The following TRABD2B variants were observed in gnomAD, a reference collection of about 807,000 sequenced individuals.
TRABD2B encodes the protein metalloprotease TIKI2.
TRABD2B carries 14 observed loss-of-function variants against 40.1 expected under a neutral mutation model. The ratio of observed to expected loss-of-function variants is 0.35; its 90% CI spans 0.23 to 0.55. TRABD2B has a LOEUF of 0.55. Ranked by LOEUF, TRABD2B falls within the 20% of genes least tolerant of loss-of-function variation. The pLI is 0.90. For missense variants in TRABD2B, 541 were observed against 648.6 expected (o/e 0.83, Z 1.80); for synonymous variants, 263 against 277.0 (o/e 0.95, Z 0.50).
At chr1:47,961,603 T>C (rs952521378) in intron 2 of TRABD2B, among the ~76,000 whole-genome samples, 1 of 152,106 alleles carries the variant, frequency 6.6e-6, no homozygotes, top group Non-Finnish European at 1.5e-5. Context: ...CCAACAGACA[T>C]GTGAAAAAAT....
intron 2 of TRABD2B, among the ~76,000 whole-genome samples, chr1:47,923,990 C>G (rs1315064362): frequency 6.6e-6 from 1 of 151,054 alleles, no homozygotes; most frequent in Non-Finnish European, 1.5e-5. Context: ...TTCTGTTTCT[C>G]TGGAGAACCC....
intron 2 of TRABD2B, among the ~76,000 whole-genome samples, chr1:47,846,896 A>ACAC (rs1557610238): frequency 3.4e-5 from 5 of 148,358 alleles, no homozygotes; most frequent in Admixed American, 1.3e-4. Flanking sequence ...ACACACACAC[A>ACAC]AATGAGGGCT....
intron 2 of TRABD2B, among the ~76,000 whole-genome samples, chr1:47,856,361 T>C (rs754338890): frequency 6.6e-6 from 1 of 152,204 alleles, no homozygotes; most frequent in Non-Finnish European, 1.5e-5. Flanking sequence ...GCTCAGTAAA[T>C]ATTAGTGAGT....
chr1:47,893,091 G>A (rs12123024), intron 2 of TRABD2B, among the ~76,000 whole-genome samples: 31,258 of 151,988 alleles, frequency 0.21, 3,480 homozygotes, highest in Admixed American at 0.25. Flanking sequence ...TCCAGACGCA[G>A]TGTCATCTGG....
At chr1:47,844,578 C>T (rs1645442832) in intron 2 of TRABD2B, among the ~76,000 whole-genome samples, 1 of 152,214 alleles carries the variant, frequency 6.6e-6, no homozygotes, top group Non-Finnish European at 1.5e-5. Flanking sequence ...TGCTTACTCT[C>T]TGGCAAACCC....
chr1:47,769,299 G>A (rs1003817845), intron 6 of TRABD2B, among the ~76,000 whole-genome samples: 1 of 152,246 alleles, frequency 6.6e-6, no homozygotes, highest in African/African-American at 2.4e-5. Context: ...CTTCAGGACA[G>A]CAGGCTGGTG....
At chr1:47,960,763 T>C (rs1428837780) in intron 2 of TRABD2B, among the ~76,000 whole-genome samples, 1 of 152,056 alleles carries the variant, frequency 6.6e-6, no homozygotes, top group Non-Finnish European at 1.5e-5. Context: ...GAAGAATCAA[T>C]ATCGTGAAAA....
chr1:47,775,658 G>A (rs952090033), intron 5 of TRABD2B, among the ~76,000 whole-genome samples: 24 of 152,202 alleles, frequency 1.6e-4, no homozygotes, highest in African/African-American at 5.5e-4. Flanking sequence ...GATATTTACT[G>A]AGCACCAACC....
chr1:47,780,426 T>C (rs1644504934), intron 4 of TRABD2B, among the ~76,000 whole-genome samples: 1 of 152,198 alleles, frequency 6.6e-6, no homozygotes, highest in African/African-American at 2.4e-5. Context: ...ATCTCGTTCA[T>C]TTAATGAACA....
intron 2 of TRABD2B, among the ~76,000 whole-genome samples, chr1:47,853,017 G>T (rs11211620): frequency 8.6e-5 from 13 of 151,566 alleles, no homozygotes; most frequent in East Asian, 5.9e-4. Flanking sequence ...GCAGGTAAAG[G>T]GGGGTGGGTG....
chr1:47,990,138 C>T (rs563863863), intron 2 of TRABD2B, among the ~76,000 whole-genome samples: 2 of 152,324 alleles, frequency 1.3e-5, no homozygotes, highest in South Asian at 2.1e-4. Context: ...TTGGCAGGCA[C>T]GGTTCTGTGT....
intron 2 of TRABD2B, among the ~76,000 whole-genome samples, chr1:47,888,140 A>C (rs1455099605): frequency 6.6e-6 from 1 of 152,208 alleles, no homozygotes; most frequent in Non-Finnish European, 1.5e-5. Flanking sequence ...GGGGAGGCTA[A>C]AGTGTCTTCC....
intron 2 of TRABD2B, among the ~76,000 whole-genome samples, chr1:47,984,312 T>C (rs1645885819): frequency 6.6e-6 from 1 of 152,132 alleles, no homozygotes; most frequent in South Asian, 2.1e-4. Flanking sequence ...CCTGATCGAG[T>C]GACGGGCGAG....
At chr1:47,847,108 T>C (rs535722929) in intron 2 of TRABD2B, among the ~76,000 whole-genome samples, 14 of 152,272 alleles carry the variant, frequency 9.2e-5, no homozygotes, top group Admixed American at 2.6e-4. Flanking sequence ...ATAAGGGCTT[T>C]TCCTGGAAAC....
chr1:47,995,609 A>G (rs1158222648), intron 1 of TRABD2B, among the ~76,000 whole-genome samples: 3 of 152,128 alleles, frequency 2.0e-5, no homozygotes, highest in South Asian at 2.1e-4. Flanking sequence ...ATAAAGGGCA[A>G]AGCCATTTTC....
intron 2 of TRABD2B, among the ~76,000 whole-genome samples, chr1:47,904,099 A>G (rs1012065230): frequency 1.3e-5 from 2 of 152,206 alleles, no homozygotes; most frequent in Non-Finnish European, 2.9e-5. Flanking sequence ...TAAGGCCTGC[A>G]GAAGGAGCTG....
intron 2 of TRABD2B, among the ~76,000 whole-genome samples, chr1:47,852,454 GC>G (rs1228967413): frequency 2.0e-5 from 3 of 152,210 alleles, no homozygotes; most frequent in Non-Finnish European, 4.4e-5. Context: ...AATGATGTGA[GC>G]CCGTTTCAGA....
At chr1:47,932,576 G>A (rs1645053780) in intron 2 of TRABD2B, among the ~76,000 whole-genome samples, 1 of 152,150 alleles carries the variant, frequency 6.6e-6, no homozygotes, top group Non-Finnish European at 1.5e-5. Flanking sequence ...AGAAATTGAT[G>A]CAGGGAAGAG....
chr1:47,973,612 T>G (rs1205431024), intron 2 of TRABD2B, among the ~76,000 whole-genome samples: 1 of 152,076 alleles, frequency 6.6e-6, no homozygotes, highest in African/African-American at 2.4e-5. Context: ...TCTTGAAATC[T>G]CCACAAGCAA....
Sources: allele counts gnomAD v4.1 joint callset (sites outside exome capture counted in the v4.1 genomes callset), GRCh38; gene constraint gnomAD v4.1.1; transcripts MANE v1.5; gene names NCBI Gene and HGNC (gene_info 2026-07-23, HGNC 2026-07-21).